Variants in OLIG3 observed in about 807,000 individuals in gnomAD.
The protein encoded by OLIG3 is class B basic helix-loop-helix protein 7.
A neutral mutation model predicts 14.7 loss-of-function variants in OLIG3; 12 were observed. The ratio of observed to expected loss-of-function variants is 0.82; its 90% CI spans 0.52 to 1.32. The LOEUF (loss-of-function observed/expected upper bound fraction) is 1.32, where lower values mean the gene tolerates loss of function less well. Among genes scored for constraint, OLIG3 ranks in the 40% most tolerant of loss-of-function variants. The pLI is 0.00. For missense variants in OLIG3, 405 were observed against 373.7 expected (o/e 1.08, Z -0.69); for synonymous variants, 192 against 171.4 (o/e 1.12, Z -0.94).
chr6:137,493,335 C>G lies in OLIG3; in HGVS notation c.*17G>C. 1 of 1,528,518 alleles carries G rather than the reference C, an allele frequency of 6.5e-7. No individual in the cohort carries two copies. The highest frequency in any genetic ancestry group is 8.7e-7 in the Non-Finnish European group (1 of 1,148,912). The allele number at this position is 1,528,518 out of a possible 1,614,324, so 94.7% of individuals were successfully genotyped here. On this transcript the variant is annotated 3_prime_UTR_variant, in exon 1 of 1. Coordinates refer to ENST00000367734, the MANE Select transcript of OLIG3 (RefSeq NM_175747.2). The surrounding 1 kb of genome is among the most constrained non-coding windows in gnomAD (Gnocchi z 6.1). ...CGCCGCTCTCCCTCCTCCTTGGCAG[C>G]CGGGCCCGCCCGCTGCTCACTTGAG...
At position 137,494,013 on chromosome 6, in the gene OLIG3, C is replaced by T. The variant is rs1252074622; in HGVS notation, c.158G>A (p.Gly53Glu). The change falls in exon 1 of 1, where the codon GGG (glycine) becomes GAG (glutamate). Residue 53 changes from glycine (G) to glutamate (E), a missense_variant. By Grantham distance (98) the Gly-to-Glu change is moderately conservative. Transcript: ENST00000367734. ...TQGDMMQKMP[G>E]ESLSRAGAKA... ...GGCGCCAGCCCGCGAGAGGCTTTCC[C>T]CGGGCATCTTCTGCATCATATCGCC... is the stretch of plus-strand genomic sequence containing the variant. 6.2e-7 allele frequency: 1 copy of T among 1,613,248 alleles called. No individual in the cohort carries two copies. Among genetic ancestry groups the T allele is most frequent in the African/African-American group, 1.3e-5 (1 of 74,924 alleles).
chr6:137,493,516 G>T lies in OLIG3; in HGVS notation c.655C>A (p.Pro219Thr). 6.3e-7 allele frequency: 1 copy of T among 1,574,928 alleles called. No homozygotes were observed. The highest frequency in any genetic ancestry group is 8.6e-7 in the Non-Finnish European group (1 of 1,163,212). The change falls in exon 1 of 1, where the codon CCC becomes ACC. Residue 219 changes from proline (P) to threonine (T), a missense_variant. Pro to Thr is a conservative substitution (Grantham distance 38, BLOSUM62 -1). This residue lies in a region of OLIG3 where 230 missense variants were observed against 178.5 expected (regional missense o/e 1.29). Transcript: ENST00000367734. The surrounding 1 kb of genome is among the most constrained non-coding windows in gnomAD (Gnocchi z 6.1). ...IRPPHSLLKA[P>T]STPPALQLGS... ...AGCTGCAGCGCGGGCGGCGTGGAGG[G>T]CGCCTTGAGTAGCGAGTGGGGAGGC... is the stretch of plus-strand genomic sequence containing the variant.
rs1267763130 is a variant in OLIG3 at position 137,493,600 on chromosome 6, A to T, written c.571T>A (p.Ser191Thr). ...VHPILGGALS[S>T]GNASSPLSAA... Reference sequence around the variant, plus strand: ...GACAGCGGTGACGAGGCGTTGCCAGATGAGAGCGCGCCGCCCAAGATGGGG... The same window carrying T: ...GACAGCGGTGACGAGGCGTTGCCAGTTGAGAGCGCGCCGCCCAAGATGGGG... Residue 191 changes from serine to threonine, a missense_variant, in exon 1 of 1, where the codon TCT becomes ACT. Physicochemically the swap from Ser to Thr is moderately conservative, Grantham distance 58 (BLOSUM62 1). Around this residue, in one of 3 missense-constraint regions of OLIG3, gnomAD observed 230 missense variants for 178.5 expected, o/e 1.29. Transcript: ENST00000367734. The surrounding 1 kb of genome is among the most constrained non-coding windows in gnomAD (Gnocchi z 6.1). 5 of 1,602,596 alleles carry T rather than the reference A, an allele frequency of 3.1e-6. No individual in the cohort carries two copies. Among genetic ancestry groups the T allele is most frequent in the Non-Finnish European group, 4.2e-6 (5 of 1,176,612 alleles).
rs1393696814 is a variant in OLIG3, at chr6:137,494,038, C to T, written c.133G>A (p.Gly45Ser). The change falls in exon 1 of 1, where the codon GGC becomes AGC. Residue 45 changes from glycine (G) to serine (S), a missense_variant. Physicochemically the swap from Gly to Ser is moderately conservative, Grantham distance 56. Transcript: ENST00000367734. Reference protein sequence around the residue: ...SRLNSVSSTQGDMMQKMPGES... With the variant: ...SRLNSVSSTQSDMMQKMPGES... ...CCGGGCATCTTCTGCATCATATCGC[C>T]CTGCGTGGACGAGACCGAGTTGAGA... 2.5e-6 allele frequency: 4 copies of T among 1,612,632 alleles called. No individual in the cohort carries two copies. Among genetic ancestry groups the T allele is most frequent in the Non-Finnish European group, 3.4e-6 (4 of 1,180,010 alleles).
rs1783156359 is a variant in OLIG3 at position 137,493,651 on chromosome 6, C to A, written c.520G>T (p.Ala174Ser). The change falls in exon 1 of 1, where the codon GCG becomes TCG. Residue 174 changes from alanine (A) to serine (S), a missense_variant. Physicochemically the swap from Ala to Ser is moderately conservative, Grantham distance 99 (BLOSUM62 1). Around this residue, in one of 3 missense-constraint regions of OLIG3, gnomAD observed 230 missense variants for 178.5 expected, o/e 1.29. Transcript: ENST00000367734. This position sits in a 1 kb window ranked among gnomAD's most constrained non-coding sequence, Gnocchi z 6.1. ...TGCACCGGGTGCACGGAGTTGGCCG[C>A]GTGCGCGGGGTGGCCGGCCGAGTGG... The part of the protein sequence containing the change: ...VGHSAGHPAH[A>S]ANSVHPVHPI... The A allele has an allele frequency of 2.5e-6, 4 of 1,608,800 alleles. No homozygotes were observed. The African/African-American group carries it at 4.0e-5, about 16-fold the overall frequency.
chr6:137,492,268 G>C lies in OLIG3; in HGVS notation c.*1084C>G, dbSNP rs1783126584. 1 of 151,794 alleles carries C rather than the reference G, an allele frequency of 6.6e-6. No individual in the cohort carries two copies. The highest frequency in any genetic ancestry group is 2.4e-5 in the African/African-American group (1 of 41,234). The allele number at this position is 151,794 out of a possible 1,614,324, so 9.4% of individuals were successfully genotyped here. On this transcript the variant is annotated 3_prime_UTR_variant, in exon 1 of 1. Coordinates refer to ENST00000367734, the MANE Select transcript of OLIG3 (RefSeq NM_175747.2). ...ACTGGTTATTAATAAATATATCATA[G>C]TTATCAAGAATATATAAAAAATAAA...
chr6:137,493,079 C>T lies in OLIG3; in HGVS notation c.*273G>A. 2.2e-6 allele frequency: 1 copy of T among 449,776 alleles called. No homozygotes were observed. The highest frequency in any genetic ancestry group is 3.9e-6 in the Non-Finnish European group (1 of 254,474). The allele number at this position is 449,776 out of a possible 1,614,324, so 27.9% of individuals were successfully genotyped here. A position where few individuals can be genotyped will look rare whatever the true frequency, so the allele number is the denominator to read the frequency against. ...AGCATATGGCAGTGAAAAATACTGG[C>T]GCGGCATGGGGAAAAGAAGCATGCA... is the stretch of plus-strand genomic sequence containing the variant. On this transcript the variant is annotated 3_prime_UTR_variant, in exon 1 of 1. Coordinates refer to ENST00000367734, the MANE Select transcript of OLIG3 (RefSeq NM_175747.2). This position sits in a 1 kb window ranked among gnomAD's most constrained non-coding sequence, Gnocchi z 6.1.
chr6:137,492,211 GT>G lies in OLIG3; in HGVS notation c.*1140del, dbSNP rs1279319471. 1 of 152,654 alleles carries G rather than the reference GT, an allele frequency of 6.6e-6. No individual in the cohort carries two copies. Among genetic ancestry groups the G allele is most frequent in the African/African-American group, 2.4e-5 (1 of 41,388 alleles). 9.5% of individuals were successfully genotyped at this position (152,654 alleles called of 1,614,324 possible). A position where few individuals can be genotyped will look rare whatever the true frequency, so the allele number is the denominator to read the frequency against. On this transcript the variant is annotated 3_prime_UTR_variant, in exon 1 of 1. Coordinates refer to ENST00000367734, the MANE Select transcript of OLIG3 (RefSeq NM_175747.2). ...GCAAAGGCAAAGCCACGATTTAAAG[GT>G]TCTTTTTTATTTGAAATCTCATCCA...
rs1783167002 is a variant in OLIG3, at chr6:137,494,277, C to G, written c.-107G>C. The G allele has an allele frequency of 2.1e-6, 2 of 953,914 alleles. No individual in the cohort carries two copies. Among genetic ancestry groups the G allele is most frequent in the African/African-American group, 3.3e-5 (2 of 60,878 alleles). 59.1% of individuals were successfully genotyped at this position (953,914 alleles called of 1,614,324 possible). Reference sequence around the variant, plus strand: ...CTGCACTGCCCAGGAACCCACTTCTCCGCGGCAAGACGTGAGAAGAAAAGC... The same window carrying G: ...CTGCACTGCCCAGGAACCCACTTCTGCGCGGCAAGACGTGAGAAGAAAAGC... On this transcript the variant is annotated 5_prime_UTR_variant, in exon 1 of 1. Transcript: ENST00000367734.
At position 137,494,072 on chromosome 6, in the gene OLIG3, C is replaced by G. The variant is rs200782090; in HGVS notation, c.99G>C (p.Gln33His). The change falls in exon 1 of 1, where the codon CAG becomes CAC. Residue 33 changes from glutamine to histidine, a missense_variant. By Grantham distance (24) the Gln-to-His change is conservative. Coordinates refer to ENST00000367734, the MANE Select transcript of OLIG3 (RefSeq NM_175747.2). ...RDHHHRHHHHQESRLNSVSST... is the reference protein window; with the variant it reads ...RDHHHRHHHHHESRLNSVSST... Reference sequence around the variant, plus strand: ...ACGAGACCGAGTTGAGACGGCTCTCCTGGTGGTGGTGGTGGCGGTGGTGGT... The same window carrying G: ...ACGAGACCGAGTTGAGACGGCTCTCGTGGTGGTGGTGGTGGCGGTGGTGGT... The G allele has an allele frequency of 1.9e-6, 3 of 1,611,780 alleles. No homozygotes were observed. The highest frequency in any genetic ancestry group is 2.5e-6 in the Non-Finnish European group (3 of 1,179,782).
chr6:137,492,246 G>A lies in OLIG3; in HGVS notation c.*1106C>T, dbSNP rs1226650167. ...ATTTGAAATCTCATCCAGAAACACT[G>A]GTTATTAATAAATATATCATAGTTA... is the stretch of plus-strand genomic sequence containing the variant. On this transcript the variant is annotated 3_prime_UTR_variant, in exon 1 of 1. Coordinates refer to ENST00000367734, the MANE Select transcript of OLIG3 (RefSeq NM_175747.2). 1 of 152,646 alleles carries A rather than the reference G, an allele frequency of 6.6e-6. No individual in the cohort carries two copies. Among genetic ancestry groups the A allele is most frequent in the East Asian group, 1.9e-4 (1 of 5,318 alleles). The allele number at this position is 152,646 out of a possible 1,614,324, so 9.5% of individuals were successfully genotyped here.
chr6:137,493,828 C>A lies in OLIG3; in HGVS notation c.343G>T (p.Gly115Trp), dbSNP rs751490343. The A allele has an allele frequency of 2.5e-6, 4 of 1,614,228 alleles. No individual in the cohort carries two copies. The highest frequency in any genetic ancestry group is 3.4e-6 in the Non-Finnish European group (4 of 1,180,034). Residue 115 changes from glycine to tryptophan, a missense_variant, in exon 1 of 1, where the codon GGG (glycine) becomes TGG (tryptophan). This residue lies in a region of OLIG3 where 165 missense variants were observed against 165.5 expected (regional missense o/e 1.00). Transcript: ENST00000367734. This position sits in a 1 kb window ranked among gnomAD's most constrained non-coding sequence, Gnocchi z 6.1. ...GLREVMPYAH[G>W]PSVRKLSKIA... ...TTGGAGAGCTTGCGCACCGACGGCC[C>A]ATGCGCGTAGGGCATGACTTCGCGC... is the stretch of plus-strand genomic sequence containing the variant.
Position 137,492,298 on chromosome 6 carries a change from G to A in OLIG3, c.*1054C>T, listed in dbSNP as rs1783127019. 1 of 152,646 alleles carries A rather than the reference G, an allele frequency of 6.6e-6. No homozygotes were observed. The highest frequency in any genetic ancestry group is 1.5e-5 in the Non-Finnish European group (1 of 68,028). 9.5% of individuals were successfully genotyped at this position (152,646 alleles called of 1,614,324 possible). ...CAAGAATATATAAAAAATAAAGACA[G>A]GTATCGTCTTTGAGGCCCTAACAAA... On this transcript the variant is annotated 3_prime_UTR_variant, in exon 1 of 1. Coordinates refer to ENST00000367734, the MANE Select transcript of OLIG3 (RefSeq NM_175747.2).
rs1433474540 is a variant in OLIG3, at chr6:137,492,272, T to C, written c.*1080A>G. On this transcript the variant is annotated 3_prime_UTR_variant, in exon 1 of 1. Coordinates refer to ENST00000367734, the MANE Select transcript of OLIG3 (RefSeq NM_175747.2). Reference sequence around the variant, plus strand: ...GTTATTAATAAATATATCATAGTTATCAAGAATATATAAAAAATAAAGACA... The same window carrying C: ...GTTATTAATAAATATATCATAGTTACCAAGAATATATAAAAAATAAAGACA... The C allele has an allele frequency of 6.6e-6, 1 of 152,606 alleles. No homozygotes were observed. Among genetic ancestry groups the C allele is most frequent in the Non-Finnish European group, 1.5e-5 (1 of 68,028 alleles). The allele number at this position is 152,606 out of a possible 1,614,324, so 9.5% of individuals were successfully genotyped here.
In OLIG3 at chr6:137,493,344, C is replaced by T. The variant is rs772851317; in HGVS notation, c.*8G>A. 8 of 1,546,558 alleles carry T rather than the reference C, an allele frequency of 5.2e-6. No homozygotes were observed. Among genetic ancestry groups the T allele is most frequent in the African/African-American group, 1.4e-5 (1 of 72,580 alleles). On this transcript the variant is annotated 3_prime_UTR_variant, in exon 1 of 1. Transcript: ENST00000367734. This position sits in a 1 kb window ranked among gnomAD's most constrained non-coding sequence, Gnocchi z 6.1. ...CCCTCCTCCTTGGCAGCCGGGCCCG[C>T]CCGCTGCTCACTTGAGCAAGTCCTT...
Position 137,494,292 on chromosome 6 carries a change from A to G in OLIG3, c.-122T>C, listed in dbSNP as rs911773696. ...ACCCACTTCTCCGCGGCAAGACGTG[A>G]GAAGAAAAGCGGAGACGCTGCTTTT... On this transcript the variant is annotated 5_prime_UTR_variant, in exon 1 of 1. Coordinates refer to ENST00000367734, the MANE Select transcript of OLIG3 (RefSeq NM_175747.2). 4.7e-6 allele frequency: 4 copies of G among 851,916 alleles called. No individual in the cohort carries two copies. The highest frequency in any genetic ancestry group is 5.5e-6 in the Non-Finnish European group (3 of 546,210). The allele number at this position is 851,916 out of a possible 1,614,324, so 52.8% of individuals were successfully genotyped here.
In OLIG3 at chr6:137,493,539, G is replaced by A. The variant is rs765146024; in HGVS notation, c.632C>T (p.Pro211Leu). ...ASLPAIGTIRPPHSLLKAPST... is the reference protein window; with the variant it reads ...ASLPAIGTIRLPHSLLKAPST... The stretch of plus-strand genomic sequence containing the variant: ...GGGCGCCTTGAGTAGCGAGTGGGGA[G>A]GCCGGATGGTGCCGATGGCGGGAAG... Residue 211 changes from proline to leucine, a missense_variant, in exon 1 of 1, where the codon CCT becomes CTT. Coordinates refer to ENST00000367734, the MANE Select transcript of OLIG3 (RefSeq NM_175747.2). The surrounding 1 kb of genome is among the most constrained non-coding windows in gnomAD (Gnocchi z 6.1). 7.6e-6 allele frequency: 12 copies of A among 1,582,296 alleles called. No individual in the cohort carries two copies. The highest frequency in any genetic ancestry group is 1.0e-5 in the Non-Finnish European group (12 of 1,166,206).
chr6:137,493,171 G>A lies in OLIG3; in HGVS notation c.*181C>T, dbSNP rs569982765. The A allele has an allele frequency of 4.8e-5, 26 of 544,442 alleles. 1 individual carries two copies. In the South Asian group the frequency reaches 6.8e-4, roughly 14 times the overall value. 33.7% of individuals were successfully genotyped at this position (544,442 alleles called of 1,614,324 possible). A position where few individuals can be genotyped will look rare whatever the true frequency, so the allele number is the denominator to read the frequency against. ...CACCTAGAAATTGCGGTTTGATTTT[G>A]GTCCTTTCCCTCCGGGGGTCAAGTG... On this transcript the variant is annotated 3_prime_UTR_variant, in exon 1 of 1. Transcript: ENST00000367734. The surrounding 1 kb of genome is among the most constrained non-coding windows in gnomAD (Gnocchi z 6.1).
In OLIG3 at chr6:137,494,041, G is replaced by C; in HGVS notation, c.130C>G (p.Gln44Glu). The stretch of plus-strand genomic sequence containing the variant: ...GGCATCTTCTGCATCATATCGCCCT[G>C]CGTGGACGAGACCGAGTTGAGACGG... ...ESRLNSVSSTQGDMMQKMPGE... is the reference protein window; with the variant it reads ...ESRLNSVSSTEGDMMQKMPGE... Residue 44 changes from glutamine to glutamate, a missense_variant, in exon 1 of 1, where the codon CAG becomes GAG. By Grantham distance (29) the Gln-to-Glu change is conservative. Transcript: ENST00000367734. 1 of 1,612,514 alleles carries C rather than the reference G, an allele frequency of 6.2e-7. No individual in the cohort carries two copies. The highest frequency in any genetic ancestry group is 8.5e-7 in the Non-Finnish European group (1 of 1,180,020).
Sources: allele counts gnomAD v4.1 joint callset, GRCh38; gene constraint gnomAD v4.1.1; regional missense constraint gnomAD v4.1.1; non-coding constraint Gnocchi (gnomAD v3.1); transcripts MANE v1.5; gene names NCBI Gene and HGNC (gene_info 2026-07-23, HGNC 2026-07-21).